ZSWIM2: variants seen among roughly 807,000 people sequenced by gnomAD.
ZSWIM2 encodes zinc finger SWIM-type containing 2.
ZSWIM2 carries 38 observed loss-of-function variants against 48.4 expected under a neutral mutation model. That is an observed-to-expected ratio of 0.79 (90% confidence interval 0.61 to 1.03). The LOEUF is 1.03. Ranked by LOEUF, ZSWIM2 falls within the 50% of genes least tolerant of loss-of-function variation. ZSWIM2 has a pLI of 0.00. For synonymous variants in ZSWIM2, 240 were observed against 251.3 expected (o/e 0.96, Z 0.42); for missense variants, 776 against 730.2 (o/e 1.06, Z -0.72).
intron 1 of ZSWIM2, among the ~76,000 whole-genome samples, chr2:186,848,537 A>G (rs1463395630): frequency 6.6e-6 from 1 of 152,210 alleles, no homozygotes; most frequent in Non-Finnish European, 1.5e-5. Flanking sequence ...CAGAGTGAGC[A>G]AAGAGTAAAG....
In ZSWIM2 at chr2:186,828,259, G is replaced by A. The variant is rs144444373; in HGVS notation, c.1627C>T (p.Arg543Trp). 6.8e-5 allele frequency: 110 copies of A among 1,613,562 alleles called. No homozygotes were observed. The African/African-American group carries it at 1.1e-3, about 16-fold the overall frequency. Residue 543 changes from arginine (R) to tryptophan (W), a missense_variant, in exon 9 of 9, where the codon CGG becomes TGG. By Grantham distance (101) the Arg-to-Trp change is moderately radical. Transcript: ENST00000295131. ...ISGKFHTSLS[R>W]MTKGCKCNNH... ...TTACATTTACAGCCTTTGGTCATCC[G>A]GCTTAGACTAGTGTGAAATTTTCCA...
At chr2:186,846,088 T>C (rs1292833814) in intron 2 of ZSWIM2, among the ~76,000 whole-genome samples, 1 of 151,720 alleles carries the variant, frequency 6.6e-6, no homozygotes, top group African/African-American at 2.4e-5. Flanking sequence ...GAATTTATGA[T>C]CAAGTCTTCA....
intron 8 of ZSWIM2, among the ~76,000 whole-genome samples, chr2:186,829,321 T>C (rs1691657314): frequency 6.6e-6 from 1 of 152,172 alleles, no homozygotes; most frequent in South Asian, 2.1e-4. Context: ...GATCAAGTAG[T>C]ATTATGCTGA....
Position 186,837,487 on chromosome 2 carries a change from T to C in ZSWIM2, c.562A>G (p.Asn188Asp). Residue 188 changes from asparagine (N) to aspartate (D), a missense_variant, in exon 5 of 9, where the codon AAC becomes GAC. Asn to Asp is a conservative substitution (Grantham distance 23). Coordinates refer to ENST00000295131, the MANE Select transcript of ZSWIM2 (RefSeq NM_182521.3). ...KILANYQSTSNTSMLKCPLCR... is the reference protein window; with the variant it reads ...KILANYQSTSDTSMLKCPLCR... ...AGAGGACATTTCAACATGGAAGTGT[T>C]TGATGTACTCTGATAATTAGCTAAG... The C allele has an allele frequency of 6.2e-7, 1 of 1,612,406 alleles. No individual in the cohort carries two copies. Among genetic ancestry groups the C allele is most frequent in the Non-Finnish European group, 8.5e-7 (1 of 1,178,970 alleles).
At chr2:186,830,196 A>T (rs1259486404) in intron 7 of ZSWIM2, among the ~76,000 whole-genome samples, 10 of 152,088 alleles carry the variant, frequency 6.6e-5, no homozygotes, top group African/African-American at 2.4e-4. Context: ...CCTGGCCAAC[A>T]TGGCAAAACC....
intron 2 of ZSWIM2, among the ~76,000 whole-genome samples, chr2:186,847,510 A>C (rs1692027312): frequency 6.6e-6 from 1 of 152,170 alleles, no homozygotes; most frequent in Admixed American, 6.5e-5. Context: ...TTAACATTAT[A>C]AAATGGTTCT....
At position 186,827,807 on chromosome 2, in the gene ZSWIM2, A is replaced by T; in HGVS notation, c.*177T>A. Reference sequence around the variant, plus strand: ...TATTCATGAAGACACCTAATGCTGTAAGTCATATAAGTAATAGAATCATTT... The same window carrying T: ...TATTCATGAAGACACCTAATGCTGTTAGTCATATAAGTAATAGAATCATTT... On this transcript the variant is annotated 3_prime_UTR_variant, in exon 9 of 9. Transcript: ENST00000295131. The T allele has an allele frequency of 4.5e-6, 2 of 448,114 alleles. No individual in the cohort carries two copies. Among genetic ancestry groups the T allele is most frequent in the Non-Finnish European group, 7.8e-6 (2 of 256,550 alleles). 27.8% of individuals were successfully genotyped at this position (448,114 alleles called of 1,614,324 possible).
chr2:186,835,132 T>C (rs1017979389), intron 5 of ZSWIM2, among the ~76,000 whole-genome samples: 1 of 152,076 alleles, frequency 6.6e-6, no homozygotes, highest in Non-Finnish European at 1.5e-5. Context: ...AGAGTTAGAG[T>C]TGGCAGCATA....
intron 5 of ZSWIM2, among the ~76,000 whole-genome samples, chr2:186,835,931 G>A (rs13399866): frequency 0.18 from 27,730 of 151,978 alleles, 3,855 homozygotes; most frequent in African/African-American, 0.4. Context: ...GTCACTAGTG[G>A]GCAGGGGGCA....
At chr2:186,835,331 T>G (rs1691774554) in intron 5 of ZSWIM2, among the ~76,000 whole-genome samples, 1 of 152,162 alleles carries the variant, frequency 6.6e-6, no homozygotes, top group African/African-American at 2.4e-5. Context: ...GCAACATAAT[T>G]TACCAAACTG....
chr2:186,838,757 T>C (rs1691846412), intron 4 of ZSWIM2, among the ~76,000 whole-genome samples: 2 of 146,160 alleles, frequency 1.4e-5, no homozygotes. Flanking sequence ...ATATTTATAT[T>C]GTAATATATT....
chr2:186,834,073 A>C, intron 5 of ZSWIM2, 43 bp from the exon 6 acceptor site: 1 of 1,484,700 alleles, frequency 6.7e-7, no homozygotes, highest in Non-Finnish European at 9.3e-7. Flanking sequence ...AAAAAAATCC[A>C]ATTATTGTGA....
At chr2:186,848,782 A>T in intron 1 of ZSWIM2, 184 bp downstream of exon 1, 1 of 709,928 alleles carries the variant, frequency 1.4e-6, no homozygotes. Context: ...TCTAATAAAT[A>T]CTATTTCCTT....
chr2:186,835,374 T>C (rs919312204), intron 5 of ZSWIM2, among the ~76,000 whole-genome samples: 1 of 152,178 alleles, frequency 6.6e-6, no homozygotes, highest in African/African-American at 2.4e-5. Flanking sequence ...AGTAAACTTA[T>C]TATTCAAGTT....
At chr2:186,844,490 A>C (rs1310508879) in intron 3 of ZSWIM2, among the ~76,000 whole-genome samples, 1 of 151,534 alleles carries the variant, frequency 6.6e-6, no homozygotes, top group East Asian at 1.9e-4. Context: ...ACCTGTTTTT[A>C]TTAAGTGCCT....
chr2:186,839,632 CTTAA>C (rs989876893), intron 3 of ZSWIM2, among the ~76,000 whole-genome samples: 17 of 151,804 alleles, frequency 1.1e-4, no homozygotes, highest in African/African-American at 3.9e-4. Context: ...AAGAGCAAGA[CTTAA>C]TTAATTGTGC....
In ZSWIM2 at chr2:186,830,241, G is replaced by C. The variant is rs140480645; in HGVS notation, c.942-361C>G. Among the ~76,000 whole-genome samples the C allele has an allele frequency of 5.1e-3, 778 of 152,124 alleles. 11 individuals are homozygous for C. Among genetic ancestry groups the C allele is most frequent in the African/African-American group, 0.017 (724 of 41,506 alleles). On this transcript the variant is annotated intron_variant, in intron 7 of 8. Transcript: ENST00000295131. ...ATAAAAATATAGAAAAATTAGCCGG[G>C]CATGGTGGCAGGTGCCTGTAATCAC...
intron 3 of ZSWIM2, among the ~76,000 whole-genome samples, chr2:186,841,722 A>G (rs1691905588): frequency 6.6e-6 from 1 of 151,346 alleles, no homozygotes; most frequent in Non-Finnish European, 1.5e-5. Context: ...TAGCATGAAA[A>G]TATAAGGTAA....
intron 7 of ZSWIM2, among the ~76,000 whole-genome samples, chr2:186,831,204 G>T (rs1005252430): frequency 1.3e-5 from 2 of 152,016 alleles, no homozygotes; most frequent in Non-Finnish European, 2.9e-5. Flanking sequence ...TGATGCTTGT[G>T]CAGGGAAAAT....
Sources: allele counts gnomAD v4.1 joint callset (sites outside exome capture counted in the v4.1 genomes callset), GRCh38; gene constraint gnomAD v4.1.1; transcripts MANE v1.5; gene names NCBI Gene and HGNC (gene_info 2026-07-23, HGNC 2026-07-21).